Variants in FERMT1 observed in about 807,000 individuals in gnomAD.
FERMT1 encodes the protein fermitin family homolog 1.
Under a neutral mutation model 85.3 loss-of-function variants are expected in FERMT1, and 60 were observed. The ratio of observed to expected loss-of-function variants is 0.70; its 90% CI spans 0.57 to 0.87. FERMT1 has a LOEUF of 0.87. Among genes scored for constraint, FERMT1 ranks in the 40% least tolerant of loss-of-function variants. The pLI is 0.00. For missense variants in FERMT1, 701 were observed against 818.9 expected, an observed-to-expected ratio of 0.86 and a Z score of 1.76; for synonymous variants, 275 against 301.1, an observed-to-expected ratio of 0.91 and a Z score of 0.90.
At chr20:6,079,703 G>T (rs1981940525) in intron 13 of FERMT1, 126 bp from the exon 14 acceptor site, 2 of 968,388 alleles carry the variant, frequency 2.1e-6, no homozygotes, top group South Asian at 1.5e-5. Context: ...GGACAATGAA[G>T]AATTAACTTT....
At chr20:6,086,127 C>G (rs1353220233) in intron 11 of FERMT1, among the ~76,000 whole-genome samples, 1 of 146,598 alleles carries the variant, frequency 6.8e-6, no homozygotes, top group African/African-American at 2.5e-5. Flanking sequence ...GGTGACAGAG[C>G]GAGACTCCAT....
In FERMT1 at chr20:6,104,893, A is replaced by AG. The variant is rs1982757376; in HGVS notation, c.849+2638dup. Among the ~76,000 whole-genome samples the AG allele has an allele frequency of 6.6e-6, 1 of 152,148 alleles. No homozygotes were observed. The highest frequency in any genetic ancestry group is 1.5e-5 in the Non-Finnish European group (1 of 68,030). On this transcript the variant is annotated intron_variant, in intron 6 of 14. Coordinates refer to ENST00000217289, the MANE Select transcript of FERMT1 (RefSeq NM_017671.5). The surrounding 1 kb of genome is among the most constrained non-coding windows in gnomAD (Gnocchi z 4.2). ...ACTTACATGTTCCTAATGGTTTTTC[A>AG]GGGGGCAGATGACTCAGCTGCATTC...
intron 1 of FERMT1, among the ~76,000 whole-genome samples, 185 bp downstream of exon 1, chr20:6,122,589 T>G (rs1003111888): frequency 1.1e-4 from 16 of 152,210 alleles, no homozygotes; most frequent in Non-Finnish European, 2.2e-4. Flanking sequence ...ACTGAAAGTT[T>G]ATTTTGCGGC....
Position 6,104,589 on chromosome 20 carries a change from A to C in FERMT1, c.849+2943T>G, listed in dbSNP as rs1213555366. ...TCCCATTATCCTGAGTCTTCCTGTC[A>C]CCTTTGGGTTGACAGTTTCTGTGTG... On this transcript the variant is annotated intron_variant, in intron 6 of 14. Coordinates refer to ENST00000217289, the MANE Select transcript of FERMT1 (RefSeq NM_017671.5). This position sits in a 1 kb window ranked among gnomAD's most constrained non-coding sequence, Gnocchi z 4.2. 6.6e-6 allele frequency among the ~76,000 whole-genome samples: 1 copy of C among 152,036 alleles called. No individual in the cohort carries two copies. Among genetic ancestry groups the C allele is most frequent in the Non-Finnish European group, 1.5e-5 (1 of 68,016 alleles).
chr20:6,085,714 G>A (rs1485039489), intron 11 of FERMT1, among the ~76,000 whole-genome samples: 1 of 152,132 alleles, frequency 6.6e-6, no homozygotes, highest in South Asian at 2.1e-4. Context: ...GCTGTGCGTA[G>A]TGGCAGATGC....
Position 6,112,559 on chromosome 20 carries a change from C to A in FERMT1, c.450G>T (p.Lys150Asn). 1.9e-6 allele frequency: 3 copies of A among 1,608,008 alleles called. No individual in the cohort carries two copies. The South Asian group carries it at 3.3e-5, about 18-fold the overall frequency. Reference protein sequence around the residue: ...KPSGDYFKKKKKKDKNNKEPI... With the variant: ...KPSGDYFKKKNKKDKNNKEPI... ...GTTCCTTATTATTTTTGTCTTTTTTCTTCTTCTTCTTAAAATAGTCACCAG... is the reference window on the plus strand; with the variant it reads ...GTTCCTTATTATTTTTGTCTTTTTTATTCTTCTTCTTAAAATAGTCACCAG... Residue 150 changes from lysine to asparagine, a missense_variant, in exon 4 of 15, where the codon AAG (lysine) becomes AAT (asparagine). Coordinates refer to ENST00000217289, the MANE Select transcript of FERMT1 (RefSeq NM_017671.5).
chr20:6,083,964 T>C lies in FERMT1; in HGVS notation c.1718+76A>G, dbSNP rs1600426667. The C allele has an allele frequency of 3.2e-6, 5 of 1,546,810 alleles. No individual in the cohort carries two copies. The East Asian group carries it at 1.1e-4, about 35-fold the overall frequency. ...AAAGCATTCTATATTCTATGCTAAA[T>C]GAGAAAACTGGGGCTCCCCAAAAGC... is the stretch of plus-strand genomic sequence containing the variant. On this transcript the variant is annotated intron_variant, in intron 13 of 14. Transcript: ENST00000217289.
intron 6 of FERMT1, among the ~76,000 whole-genome samples, chr20:6,098,143 G>A (rs374936077): frequency 2.6e-5 from 4 of 152,218 alleles, no homozygotes; most frequent in African/African-American, 9.6e-5. Flanking sequence ...CAGGGCTGCT[G>A]CTGCTTCTTC....
intron 6 of FERMT1, 92 bp downstream of exon 6, chr20:6,107,440 T>C: frequency 9.5e-6 from 7 of 735,686 alleles, no homozygotes; most frequent in South Asian, 3.0e-5. Context: ...CACAAATAAA[T>C]TCATCCTAAT....
intron 3 of FERMT1, among the ~76,000 whole-genome samples, chr20:6,114,594 C>T (rs1389781267): frequency 2.0e-5 from 3 of 152,192 alleles, no homozygotes; most frequent in Admixed American, 6.5e-5. Context: ...CACAAGGTGT[C>T]CTCATGCTTG....
chr20:6,119,292 C>T (rs1242163573), intron 2 of FERMT1, 112 bp downstream of exon 2: 13 of 1,095,684 alleles, frequency 1.2e-5, no homozygotes, highest in Non-Finnish European at 1.8e-5. Flanking sequence ...TGGGGGATTG[C>T]TCTCCAGGGC....
intron 3 of FERMT1, 39 bp downstream of exon 3, chr20:6,115,772 A>G (rs777177476): frequency 1.9e-5 from 28 of 1,455,546 alleles, no homozygotes; most frequent in Non-Finnish European, 2.6e-5. Context: ...TAGCTTTGCA[A>G]GAGTCTACAG....
chr20:6,096,685 A>G (rs1198225983), intron 8 of FERMT1, among the ~76,000 whole-genome samples: 1 of 152,134 alleles, frequency 6.6e-6, no homozygotes, highest in African/African-American at 2.4e-5. Context: ...TATAACACAA[A>G]AGTATTGTCA....
Position 6,104,554 on chromosome 20 carries a change from C to T in FERMT1, c.849+2978G>A, listed in dbSNP as rs1982748562. Among the ~76,000 whole-genome samples the T allele has an allele frequency of 6.6e-6, 1 of 152,170 alleles. No individual in the cohort carries two copies. Among genetic ancestry groups the T allele is most frequent in the South Asian group, 2.1e-4 (1 of 4,826 alleles). ...AGTGGTTGAGGATCACAGTGTCCTC[C>T]AATGCCATGTCCCATTATCCTGAGT... On this transcript the variant is annotated intron_variant, in intron 6 of 14. Transcript: ENST00000217289. The surrounding 1 kb of genome is among the most constrained non-coding windows in gnomAD (Gnocchi z 4.2).
At chr20:6,084,193 T>C in intron 12 of FERMT1, 29 bp from the exon 13 acceptor site, 4 of 1,594,880 alleles carry the variant, frequency 2.5e-6, no homozygotes, top group Non-Finnish European at 3.4e-6. Context: ...CAACCTCTCT[T>C]CACATGCACC....
chr20:6,085,102 C>T lies in FERMT1; in HGVS notation c.1557G>A (p.Val519=). 6.2e-7 allele frequency: 1 copy of T among 1,614,188 alleles called. No homozygotes were observed. The highest frequency in any genetic ancestry group is 8.5e-7 in the Non-Finnish European group (1 of 1,180,034). ...TGTGTCTTTTTGCACACCGTGGTGACACAAAACATTCTGGGTTCATATCCA... is the reference window on the plus strand; with the variant it reads ...TGTGTCTTTTTGCACACCGTGGTGATACAAAACATTCTGGGTTCATATCCA... ...ENMDMNPECF[V]SPRCAKRHKS... Residue 519 remains valine (V), a synonymous_variant, in exon 12 of 15, where the codon GTG becomes GTA. Coordinates refer to ENST00000217289, the MANE Select transcript of FERMT1 (RefSeq NM_017671.5).
Position 6,085,122 on chromosome 20 carries a change from T to C in FERMT1, c.1537A>G (p.Met513Val). Residue 513 changes from methionine (M) to valine (V), a missense_variant, in exon 12 of 15, where the codon ATG (methionine) becomes GTG (valine). By Grantham distance (21) the Met-to-Val change is conservative. Coordinates refer to ENST00000217289, the MANE Select transcript of FERMT1 (RefSeq NM_017671.5). ...GGTGACACAAAACATTCTGGGTTCA[T>C]ATCCATGTTTTCGAGACTGGAAGCC... ...QVASSLENMD[M>V]NPECFVSPRC... The C allele has an allele frequency of 6.2e-7, 1 of 1,614,244 alleles. No individual in the cohort carries two copies. The highest frequency in any genetic ancestry group is 8.5e-7 in the Non-Finnish European group (1 of 1,180,042).
chr20:6,078,139 C>A (rs1981885270), intron 14 of FERMT1, among the ~76,000 whole-genome samples: 1 of 152,200 alleles, frequency 6.6e-6, no homozygotes, highest in African/African-American at 2.4e-5. Context: ...ACTTGTGGAC[C>A]TTTAAAAATT....
At chr20:6,110,608 C>T in intron 4 of FERMT1, 97 bp from the exon 5 acceptor site, 1 of 1,037,402 alleles carries the variant, frequency 9.6e-7, no homozygotes, top group Non-Finnish European at 1.5e-6. Flanking sequence ...TGAGTTTTGA[C>T]TTTAAATTTG....
Sources: allele counts gnomAD v4.1 joint callset (sites outside exome capture counted in the v4.1 genomes callset), GRCh38; gene constraint gnomAD v4.1.1; non-coding constraint Gnocchi (gnomAD v3.1); transcripts MANE v1.5; gene names NCBI Gene and HGNC (gene_info 2026-07-23, HGNC 2026-07-21).